Variants in ADCY5 observed in about 807,000 individuals in gnomAD.
ADCY5 encodes adenylate cyclase 5.
Under a neutral mutation model 119.7 loss-of-function variants are expected in ADCY5, and 30 were observed. That is an observed-to-expected ratio of 0.25 (90% CI 0.19 to 0.34). ADCY5 has a LOEUF of 0.34. ADCY5 is among the 10% of genes least tolerant of loss of function. The pLI is 1.00. For synonymous variants in ADCY5, 753 were observed against 762.2 expected (o/e 0.99, Z 0.20); for missense variants, 1,324 against 1,775.2 (o/e 0.75, Z 4.57).
At chr3:123,378,551 T>G (rs1405409500) in intron 1 of ADCY5, among the ~76,000 whole-genome samples, 1 of 152,120 alleles carries the variant, frequency 6.6e-6, no homozygotes, top group Non-Finnish European at 1.5e-5. Flanking sequence ...GCTCCCACCT[T>G]AGTGCTCTGA....
chr3:123,376,509 T>C (rs1943839012), intron 1 of ADCY5, among the ~76,000 whole-genome samples: 1 of 152,058 alleles, frequency 6.6e-6, no homozygotes, highest in Non-Finnish European at 1.5e-5. Flanking sequence ...AAAAGTGTCA[T>C]TAGAAGGAGG....
At chr3:123,399,944 C>G (rs1254712037) in intron 1 of ADCY5, among the ~76,000 whole-genome samples, 1 of 152,170 alleles carries the variant, frequency 6.6e-6, no homozygotes, top group Non-Finnish European at 1.5e-5. Context: ...GGGCTGTGTA[C>G]AAAGGCAGCT....
intron 1 of ADCY5, among the ~76,000 whole-genome samples, chr3:123,389,791 G>A (rs574382260): frequency 6.6e-6 from 1 of 152,304 alleles, no homozygotes; most frequent in Non-Finnish European, 1.5e-5. Flanking sequence ...ACAAACTCCA[G>A]CCTGAAGTGA....
chr3:123,423,327 G>A (rs922597672), intron 1 of ADCY5, among the ~76,000 whole-genome samples: 1 of 152,232 alleles, frequency 6.6e-6, no homozygotes, highest in Admixed American at 6.5e-5. Context: ...TGCGGAGAAG[G>A]GGAAGCGGAG....
chr3:123,308,329 A>ATG (rs1940326768), intron 12 of ADCY5, among the ~76,000 whole-genome samples: 1 of 150,838 alleles, frequency 6.6e-6, no homozygotes, highest in Non-Finnish European at 1.5e-5. Context: ...GAGCCACTGC[A>ATG]CCCGGCCACA....
intron 10 of ADCY5, 115 bp downstream of exon 10, chr3:123,319,559 T>C: frequency 7.5e-7 from 1 of 1,334,564 alleles, no homozygotes. Context: ...CTGGGGAAAC[T>C]GAGGCCACCC....
intron 19 of ADCY5, among the ~76,000 whole-genome samples, chr3:123,288,503 C>T (rs1401415095): frequency 6.6e-6 from 1 of 152,198 alleles, no homozygotes; most frequent in Non-Finnish European, 1.5e-5. Context: ...TATTGCAAAA[C>T]TAACTTGTGC....
chr3:123,306,301 A>C (rs2108279943), intron 12 of ADCY5, among the ~76,000 whole-genome samples: 1 of 152,346 alleles, frequency 6.6e-6, no homozygotes, highest in South Asian at 2.1e-4. Flanking sequence ...CTTTTCAACA[A>C]ATTGTGCTGG....
chr3:123,303,958 A>G, intron 13 of ADCY5, 109 bp downstream of exon 13: 1 of 774,814 alleles, frequency 1.3e-6, no homozygotes, highest in South Asian at 1.6e-5. Context: ...CGAAACAAAT[A>G]AGAACTTCCA....
intron 12 of ADCY5, among the ~76,000 whole-genome samples, chr3:123,308,734 T>C (rs188414977): frequency 1.2e-3 from 183 of 151,908 alleles, no homozygotes; most frequent in Middle Eastern, 6.8e-3. Flanking sequence ...GAGGCTGAGG[T>C]AGGAGAATGG....
chr3:123,437,165 G>C (rs1296032716), intron 1 of ADCY5, among the ~76,000 whole-genome samples: 3 of 152,202 alleles, frequency 2.0e-5, no homozygotes, highest in African/African-American at 4.8e-5. Context: ...AATCCTTGCA[G>C]AGAGTTCTAG....
At position 123,303,133 on chromosome 3, in the gene ADCY5, C is replaced by T. The variant is rs148384901; in HGVS notation, c.2646G>A (p.Ala882=). The change falls in exon 14 of 21, where the codon GCG becomes GCA. Residue 882 remains alanine, a synonymous_variant. Coordinates refer to ENST00000462833, the MANE Select transcript of ADCY5 (RefSeq NM_183357.3). ...CCAGGCTGTAGTTGACGGCCGACTC[C>T]GCCACGTGACACGCGTTGACCTGGC... The part of the protein sequence containing the change: ...SASQVNACHV[A]ESAVNYSLGD... The T allele has an allele frequency of 1.2e-5, 20 of 1,613,754 alleles. No individual in the cohort carries two copies. Among genetic ancestry groups the T allele is most frequent in the African/African-American group, 6.7e-5 (5 of 74,934 alleles).
intron 1 of ADCY5, among the ~76,000 whole-genome samples, chr3:123,409,608 G>A (rs1576676901): frequency 6.6e-6 from 1 of 152,306 alleles, no homozygotes; most frequent in Middle Eastern, 3.4e-3. Flanking sequence ...CAGAGCAGGA[G>A]CAGCTGCAGC....
rs114273771 is a variant in ADCY5, at chr3:123,378,680, T to C, written c.1135-26099A>G. Among the ~76,000 whole-genome samples, 1,186 of 152,328 alleles carry C rather than the reference T, an allele frequency of 7.8e-3. 9 individuals are homozygous for C. Among genetic ancestry groups the C allele is most frequent in the Middle Eastern group, 0.014 (4 of 294 alleles). On this transcript the variant is annotated intron_variant, in intron 1 of 20. Coordinates refer to ENST00000462833, the MANE Select transcript of ADCY5 (RefSeq NM_183357.3). ...TTGTGAAAACTCAAGGCTCAAATCC[T>C]GGTCATTGGCCAGAGATGTGGAAGG...
chr3:123,354,695 GGAA>G (rs1006466258), intron 1 of ADCY5, among the ~76,000 whole-genome samples: 4 of 152,290 alleles, frequency 2.6e-5, no homozygotes, highest in East Asian at 1.9e-4. Flanking sequence ...GAAACTGGGA[GGAA>G]GAAGAAGATG....
intron 1 of ADCY5, among the ~76,000 whole-genome samples, chr3:123,395,930 A>AGAAGGAAG (rs909657839): frequency 2.1e-5 from 3 of 146,244 alleles, no homozygotes; most frequent in African/African-American, 7.6e-5. Flanking sequence ...AGGAGTGGAG[A>AGAAGGAAG]GAAGGAAGGA....
At position 123,425,712 on chromosome 3, in the gene ADCY5, C is replaced by CG. The variant is rs1460597367; in HGVS notation, c.1134+21699_1134+21700insC. Among the ~76,000 whole-genome samples the CG allele has an allele frequency of 2.9e-3, 436 of 151,818 alleles. 6 individuals carry two copies. The highest frequency in any genetic ancestry group is 8.4e-3 in the African/African-American group (349 of 41,378). On this transcript the variant is annotated intron_variant, in intron 1 of 20. Coordinates refer to ENST00000462833, the MANE Select transcript of ADCY5 (RefSeq NM_183357.3). ...AGGAGGACCTGGCCCAGCCCACCCC[C>CG]CAGTTCACACCACTCACCCCAGGGA... is the stretch of plus-strand genomic sequence containing the variant.
chr3:123,404,785 C>T (rs562316163), intron 1 of ADCY5, among the ~76,000 whole-genome samples: 1 of 152,348 alleles, frequency 6.6e-6, no homozygotes, highest in South Asian at 2.1e-4. Flanking sequence ...CCAGGGCTCA[C>T]TACCTTGGCC....
intron 11 of ADCY5, among the ~76,000 whole-genome samples, chr3:123,317,346 T>C (rs1014504349): frequency 2.6e-5 from 4 of 151,242 alleles, no homozygotes; most frequent in Non-Finnish European, 5.9e-5. Flanking sequence ...TTTTTTTTTT[T>C]CAAGAACTAA....
Sources: allele counts gnomAD v4.1 joint callset (sites outside exome capture counted in the v4.1 genomes callset), GRCh38; gene constraint gnomAD v4.1.1; transcripts MANE v1.5; gene names NCBI Gene and HGNC (gene_info 2026-07-23, HGNC 2026-07-21).